The following IGF2 variants were observed in gnomAD, a reference collection of about 807,000 sequenced individuals.
IGF2 encodes the protein insulin like growth factor 2.
In IGF2, 2 loss-of-function variants were observed where a neutral mutation model predicts 12.0. That is an observed-to-expected ratio of 0.17 (90% CI 0.07 to 0.52). The LOEUF (loss-of-function observed/expected upper bound fraction) is 0.52. Ranked by LOEUF, IGF2 falls within the 20% of genes least tolerant of loss-of-function variation. The probability of loss-of-function intolerance (pLI) is 0.95; values close to 1 mark genes in which losing one functional copy is unlikely to be tolerated. For missense variants in IGF2, 211 were observed against 268.0 expected (o/e 0.79, Z 1.48); for synonymous variants, 105 against 110.1 (o/e 0.95, Z 0.29).
intron 1 of IGF2, 42 bp downstream of exon 1, chr11:2,138,187 G>A (rs942614462): frequency 9.2e-6 from 9 of 981,054 alleles, no homozygotes; most frequent in Middle Eastern, 5.2e-4. Flanking sequence ...AGCCCGCGCC[G>A]CCCCAGCCCC....
chr11:2,132,368 C>G lies in IGF2; in HGVS notation c.*619G>C, dbSNP rs1252187462. ...AAAATTCCCGTGAGAAGGGAGATGG[C>G]GGTAGCAGCGACGTGCCCACCTGTG... On this transcript the variant is annotated 3_prime_UTR_variant, in exon 4 of 4. Transcript: ENST00000416167. 1 of 188,930 alleles carries G rather than the reference C, an allele frequency of 5.3e-6. No individual in the cohort carries two copies. Among genetic ancestry groups the G allele is most frequent in the African/African-American group, 2.3e-5 (1 of 42,768 alleles). The allele number at this position is 188,930 out of a possible 1,614,324, so 11.7% of individuals were successfully genotyped here.
Position 2,131,219 on chromosome 11 carries a change from C to T in IGF2, c.*1768G>A, listed in dbSNP as rs985015689. 3.9e-5 allele frequency: 9 copies of T among 233,208 alleles called. No individual in the cohort carries two copies. The highest frequency in any genetic ancestry group is 1.1e-4 in the African/African-American group (5 of 45,356). The allele number at this position is 233,208 out of a possible 1,614,324, so 14.4% of individuals were successfully genotyped here. The stretch of plus-strand genomic sequence containing the variant: ...CCTACGGGTGTATCCCAAATGCCGC[C>T]GGCCGCACACTCAGGCCGCACCATC... On this transcript the variant is annotated 3_prime_UTR_variant, in exon 4 of 4. Coordinates refer to ENST00000416167, the MANE Select transcript of IGF2 (RefSeq NM_000612.6).
intron 1 of IGF2, chr11:2,137,154 G>C (rs1440381738): frequency 5.8e-6 from 5 of 865,272 alleles, no homozygotes; most frequent in Non-Finnish European, 6.9e-6. Flanking sequence ...GAGTGGGATG[G>C]CAGCGGGGGT....
the IGF2 span, chr11:2,149,238 C>G: frequency 6.2e-7 from 1 of 1,613,504 alleles, no homozygotes; most frequent in African/African-American, 1.3e-5. Context: ...GATGATCCGC[C>G]GGCCTGGCCA....
upstream of IGF2, among the ~76,000 whole-genome samples, chr11:2,143,218 C>T (rs1241358320): frequency 6.6e-6 from 1 of 152,074 alleles, no homozygotes; most frequent in Non-Finnish European, 1.5e-5. Flanking sequence ...GGGTTCCAAC[C>T]TTCCAGCCCT....
At chr11:2,138,119 C>T in intron 1 of IGF2, 110 bp downstream of exon 1, 1 of 656,602 alleles carries the variant, frequency 1.5e-6, no homozygotes, top group Admixed American at 6.3e-5. Context: ...GCCGCCCCGC[C>T]GAGCCCCGCA....
chr11:2,143,900 G>C (rs899408437), upstream of IGF2, among the ~76,000 whole-genome samples: 5 of 152,220 alleles, frequency 3.3e-5, no homozygotes, highest in African/African-American at 1.2e-4. Flanking sequence ...TTGAGCTCAA[G>C]CTTCCCGGGC....
At chr11:2,149,407 G>A in the IGF2 span, 8 of 1,393,978 alleles carry the variant, frequency 5.7e-6, no homozygotes, top group Non-Finnish European at 6.0e-6. Flanking sequence ...AGATGGGAGA[G>A]CCTCATCTCC....
the IGF2 span, chr11:2,147,636 C>G: frequency 8.0e-7 from 1 of 1,244,624 alleles, no homozygotes; most frequent in Non-Finnish European, 1.0e-6. The surrounding 1 kb of genome is among the most constrained non-coding windows in gnomAD (Gnocchi z 7.2). Context: ...GCTGGGGTCG[C>G]CTGGGCCACA....
At chr11:2,140,608 C>A (rs1590131556), upstream of IGF2, 2 of 510,232 alleles carry the variant, frequency 3.9e-6, no homozygotes, top group Non-Finnish European at 7.2e-6. Flanking sequence ...ACTTTGGGAC[C>A]CTCCAGCCGC....
At chr11:2,136,042 AG>A (rs1182300081) in intron 1 of IGF2, among the ~76,000 whole-genome samples, 3 of 152,204 alleles carry the variant, frequency 2.0e-5, no homozygotes, top group African/African-American at 4.8e-5. Context: ...CCAGCTGAGC[AG>A]GGGGGGTCCA....
chr11:2,138,055 G>T (rs550228370), intron 1 of IGF2, among the ~76,000 whole-genome samples, 174 bp downstream of exon 1: 1 of 151,738 alleles, frequency 6.6e-6, no homozygotes, highest in Admixed American at 6.5e-5. Context: ...CGCAGGGAAC[G>T]GGACCCGCAG....
At position 2,130,968 on chromosome 11, in the gene IGF2, G is replaced by C. The variant is rs1858504734; in HGVS notation, c.*2019C>G. The stretch of plus-strand genomic sequence containing the variant: ...CCAGGGAGTCAGGCTACTCGTGGGG[G>C]CATGTCTGCTCAGCTACCGCCATCT... On this transcript the variant is annotated 3_prime_UTR_variant, in exon 4 of 4. Coordinates refer to ENST00000416167, the MANE Select transcript of IGF2 (RefSeq NM_000612.6). 1 of 223,830 alleles carries C rather than the reference G, an allele frequency of 4.5e-6. No individual in the cohort carries two copies. The highest frequency in any genetic ancestry group is 5.7e-5 in the Admixed American group (1 of 17,442). The allele number at this position is 223,830 out of a possible 1,614,324, so 13.9% of individuals were successfully genotyped here.
rs1335684600 is a variant in IGF2 at position 2,133,953 on chromosome 11, C to A, written c.158-288G>T. ...CTTGGTCCCACAACCAGAGGGACAC[C>A]ACCAGGACCAAAGGCTCACAATGGG... On this transcript the variant is annotated intron_variant, in intron 2 of 3. Transcript: ENST00000416167. This position sits in a 1 kb window ranked among gnomAD's most constrained non-coding sequence, Gnocchi z 8.9. Among the ~76,000 whole-genome samples, 1 of 152,238 alleles carries A rather than the reference C, an allele frequency of 6.6e-6. No homozygotes were observed. The highest frequency in any genetic ancestry group is 1.5e-5 in the Non-Finnish European group (1 of 68,036).
In IGF2 at chr11:2,138,395, GGGGGGA is replaced by G; in HGVS notation, c.-179_-174del. On this transcript the variant is annotated 5_prime_UTR_variant, in exon 1 of 4. Transcript: ENST00000416167. The stretch of plus-strand genomic sequence containing the variant: ...GGGGGGATGGCTTTTTTTTGGGGGG[GGGGGGA>G]GAATTCGTCTGATTGTCCAGGGAGG... 1.9e-6 allele frequency: 1 copy of G among 517,118 alleles called. No homozygotes were observed. The highest frequency in any genetic ancestry group is 2.5e-6 in the Non-Finnish European group (1 of 405,448). The allele number at this position is 517,118 out of a possible 1,614,324, so 32.0% of individuals were successfully genotyped here. A position where few individuals can be genotyped will look rare whatever the true frequency, so the allele number is the denominator to read the frequency against.
At chr11:2,145,692 C>T (rs1859879965), upstream of IGF2, among the ~76,000 whole-genome samples, 1 of 152,180 alleles carries the variant, frequency 6.6e-6, no homozygotes, top group African/African-American at 2.4e-5. Flanking sequence ...TGTAGTGGCC[C>T]TGTAGGGAGG....
rs781406063 is a variant in IGF2 at position 2,133,478 on chromosome 11, C to T, written c.306+39G>A. ...GCTGGGCGCCCGAAGCCCTATTTCT[C>T]TGTCTCTAGAGAGTGGGAAAGGGGC... On this transcript the variant is annotated intron_variant, in intron 3 of 3. Coordinates refer to ENST00000416167, the MANE Select transcript of IGF2 (RefSeq NM_000612.6). This position sits in a 1 kb window ranked among gnomAD's most constrained non-coding sequence, Gnocchi z 8.9. 7.0e-6 allele frequency: 11 copies of T among 1,565,840 alleles called. No individual in the cohort carries two copies. The Admixed American group carries it at 2.2e-4, about 31-fold the overall frequency.
At chr11:2,144,151 C>T (rs1419879582), upstream of IGF2, among the ~76,000 whole-genome samples, 3 of 152,144 alleles carry the variant, frequency 2.0e-5, no homozygotes, top group South Asian at 6.2e-4. Flanking sequence ...CCGAGCTTAG[C>T]GGGCGTCCGG....
At chr11:2,149,027 C>G in the IGF2 span, 1 of 1,159,250 alleles carries the variant, frequency 8.6e-7, no homozygotes. Flanking sequence ...CCTTCAGAAA[C>G]CAGGATCCTG....
Sources: allele counts gnomAD v4.1 joint callset (sites outside exome capture counted in the v4.1 genomes callset), GRCh38; gene constraint gnomAD v4.1.1; non-coding constraint Gnocchi (gnomAD v3.1); transcripts MANE v1.5; gene names NCBI Gene and HGNC (gene_info 2026-07-23, HGNC 2026-07-21).